Variants in SYNE1 observed in about 807,000 individuals in gnomAD.
SYNE1 encodes nesprin-1.
SYNE1 carries 616 observed loss-of-function variants against 1,111.0 expected under a neutral mutation model. The observed-to-expected ratio is 0.55, with a 90% CI of 0.52 to 0.59. The LOEUF (loss-of-function observed/expected upper bound fraction) is 0.59. Ranked by LOEUF, SYNE1 falls within the 20% of genes least tolerant of loss-of-function variation. The pLI, the probability that SYNE1 is intolerant of heterozygous loss-of-function variation, is 0.00. For synonymous variants in SYNE1, 3,855 were observed against 3,825.8 expected, an observed-to-expected ratio of 1.01 and a Z score of -0.28; for missense variants, 10,006 against 10,417.0, an observed-to-expected ratio of 0.96 and a Z score of 1.72.
At chr6:152,236,574 T>C (rs1054716125) in intron 109 of SYNE1, among the ~76,000 whole-genome samples, 1 of 152,072 alleles carries the variant, frequency 6.6e-6, no homozygotes, top group Non-Finnish European at 1.5e-5. Flanking sequence ...GGCATCAGCA[T>C]AAACTACAGA....
Position 152,399,625 on chromosome 6 carries a change from G to A in SYNE1, c.7228C>T (p.His2410Tyr), listed in dbSNP as rs777333953. The A allele has an allele frequency of 6.2e-7, 1 of 1,614,006 alleles. No individual in the cohort carries two copies. Among genetic ancestry groups the A allele is most frequent in the Non-Finnish European group, 8.5e-7 (1 of 1,180,004 alleles). ...QASLQESLEK[H>Y]FSESMQEFQE... Reference sequence around the variant, plus strand: ...GCCCCTCAGAACTCACCACTGAAGTGTTTTTCCAGAGATTCCTGCAGGCTG... The same window carrying A: ...GCCCCTCAGAACTCACCACTGAAGTATTTTTCCAGAGATTCCTGCAGGCTG... Residue 2410 changes from histidine to tyrosine, a missense_variant, in exon 48 of 146, where the codon CAC becomes TAC. This residue lies in a region of SYNE1 where 4,955 missense variants were observed against 5,017.2 expected (regional missense o/e 0.99). Coordinates refer to ENST00000367255, the MANE Select transcript of SYNE1 (RefSeq NM_182961.4).
At position 152,401,165 on chromosome 6, in the gene SYNE1, C is replaced by G; in HGVS notation, c.7002G>C (p.Glu2334Asp). ...EESLMNCAQN[E>D]TCEALKKVKD... The stretch of plus-strand genomic sequence containing the variant: ...TGACTTTTTTCAATGCTTCACAAGT[C>G]TCATTTTGGGCACAGTTCATCAACG... Residue 2334 changes from glutamate to aspartate, a missense_variant, in exon 47 of 146, where the codon GAG becomes GAC. Glu to Asp is a conservative substitution (Grantham distance 45). Transcript: ENST00000367255. The G allele has an allele frequency of 1.9e-6, 3 of 1,614,090 alleles. No homozygotes were observed. Among genetic ancestry groups the G allele is most frequent in the Non-Finnish European group, 2.5e-6 (3 of 1,180,016 alleles).
chr6:152,441,511 TAA>T (rs941238461), intron 31 of SYNE1, among the ~76,000 whole-genome samples: 1 of 152,064 alleles, frequency 6.6e-6, no homozygotes, highest in Admixed American at 6.5e-5. Context: ...TTATAATTTG[TAA>T]AGTCTTAGAA....
intron 28 of SYNE1, among the ~76,000 whole-genome samples, chr6:152,447,947 A>G (rs997768599): frequency 2.0e-5 from 3 of 152,222 alleles, no homozygotes; most frequent in Admixed American, 2.0e-4. Flanking sequence ...CAACTATAAC[A>G]TACATACACT....
chr6:152,375,358 G>A (rs1484979690), intron 58 of SYNE1, among the ~76,000 whole-genome samples: 2 of 152,188 alleles, frequency 1.3e-5, no homozygotes, highest in African/African-American at 4.8e-5. Flanking sequence ...TTCAGAGTCT[G>A]CTCCTACTAG....
At chr6:152,578,097 A>G (rs1009692644) in intron 3 of SYNE1, among the ~76,000 whole-genome samples, 1 of 152,202 alleles carries the variant, frequency 6.6e-6, no homozygotes, top group Admixed American at 6.5e-5. Flanking sequence ...TAGGCAGTGA[A>G]ACAATTGCAA....
chr6:152,239,683 A>T lies in SYNE1; in HGVS notation c.19917T>A (p.Ser6639=), dbSNP rs2085089784. 6.2e-7 allele frequency: 1 copy of T among 1,614,108 alleles called. No homozygotes were observed. The highest frequency in any genetic ancestry group is 1.7e-5 in the Admixed American group (1 of 60,008). The stretch of plus-strand genomic sequence containing the variant: ...AGAGTGTTTCAGTCAAGATCATATG[A>T]GATTCCAGGCCCTGAAAGTATTCCT... ...KHKEYFQGLE[S]HMILTETLFR... is the part of the protein sequence containing the mutation. The change falls in exon 108 of 146, where the codon TCT becomes TCA. Residue 6639 remains serine (S), a synonymous_variant. Coordinates refer to ENST00000367255, the MANE Select transcript of SYNE1 (RefSeq NM_182961.4).
At chr6:152,437,192 T>C (rs920721619) in intron 32 of SYNE1, among the ~76,000 whole-genome samples, 1 of 152,198 alleles carries the variant, frequency 6.6e-6, no homozygotes, top group African/African-American at 2.4e-5. Flanking sequence ...AGCCATTTTG[T>C]TAACTAGTTC....
At chr6:152,156,892 A>G (rs1050166270) in intron 131 of SYNE1, among the ~76,000 whole-genome samples, 5 of 152,206 alleles carry the variant, frequency 3.3e-5, no homozygotes, top group African/African-American at 1.2e-4. Context: ...CAATGGCACA[A>G]TATCAGCTCA....
At chr6:152,278,927 C>T (rs976120188) in intron 97 of SYNE1, among the ~76,000 whole-genome samples, 5 of 151,998 alleles carry the variant, frequency 3.3e-5, no homozygotes, top group African/African-American at 7.2e-5. Flanking sequence ...GACACCACAC[C>T]TGGCTAAATT....
intron 64 of SYNE1, among the ~76,000 whole-genome samples, chr6:152,359,876 G>T (rs1387602288): frequency 6.6e-6 from 1 of 150,658 alleles, no homozygotes; most frequent in Non-Finnish European, 1.5e-5. Flanking sequence ...CCAGAACATG[G>T]GAATTGTTCC....
chr6:152,275,378 G>T (rs1448477118), intron 98 of SYNE1, among the ~76,000 whole-genome samples: 3 of 152,028 alleles, frequency 2.0e-5, no homozygotes, highest in Admixed American at 6.6e-5. Flanking sequence ...AAAATATGGG[G>T]TAGAAAATAC....
intron 3 of SYNE1, among the ~76,000 whole-genome samples, chr6:152,624,931 T>C (rs745450484): frequency 3.0e-5 from 3 of 101,342 alleles, no homozygotes; most frequent in Non-Finnish European, 4.4e-5. Context: ...GTTGCAATTA[T>C]TCAAAGCTGC....
chr6:152,361,340 C>T (rs186548947), intron 64 of SYNE1, among the ~76,000 whole-genome samples: 1 of 152,272 alleles, frequency 6.6e-6, no homozygotes, highest in African/African-American at 2.4e-5. Flanking sequence ...GGGAAGCCAA[C>T]ACAGGACCTC....
intron 29 of SYNE1, 110 bp downstream of exon 29, chr6:152,447,348 C>A: frequency 8.0e-7 from 1 of 1,243,532 alleles, no homozygotes; most frequent in Non-Finnish European, 1.1e-6. Flanking sequence ...AATTCTGTTT[C>A]AACTATGGTT....
chr6:152,286,282 C>T (rs2094323493), intron 95 of SYNE1, among the ~76,000 whole-genome samples: 1 of 152,142 alleles, frequency 6.6e-6, no homozygotes, highest in Non-Finnish European at 1.5e-5. Context: ...CTTTTGACCT[C>T]CTCCTTCTTG....
intron 58 of SYNE1, 55 bp from the exon 59 acceptor site, chr6:152,373,274 T>G: frequency 6.6e-7 from 1 of 1,516,766 alleles, no homozygotes; most frequent in Non-Finnish European, 8.8e-7. Context: ...GTTGTTTCTA[T>G]TTTTTCTTTT....
intron 3 of SYNE1, among the ~76,000 whole-genome samples, chr6:152,604,934 C>T (rs2099607445): frequency 1.4e-5 from 2 of 140,494 alleles, no homozygotes; most frequent in South Asian, 4.6e-4. Flanking sequence ...AACAGTGAGA[C>T]CCTATCTCAC....
chr6:152,355,662 CT>C (rs1159772086), intron 66 of SYNE1, among the ~76,000 whole-genome samples: 1 of 152,098 alleles, frequency 6.6e-6, no homozygotes, highest in African/African-American at 2.4e-5. Flanking sequence ...ATCTTATATC[CT>C]TAAAGATATT....
Sources: gnomAD v4.1 joint callset for allele counts (sites outside exome capture counted in the v4.1 genomes callset) on GRCh38, gnomAD v4.1.1 for gene constraint, gnomAD v4.1.1 regional missense constraint, MANE v1.5 for transcripts, NCBI Gene and HGNC (gene_info 2026-07-23, HGNC 2026-07-21) for gene names.